GASK1B: variants seen among roughly 807,000 people sequenced by gnomAD.
The protein encoded by GASK1B is Golgi-associated kinase 1B.
GASK1B carries 34 observed loss-of-function variants against 42.8 expected under a neutral mutation model. That is an observed-to-expected ratio of 0.79 (90% CI 0.60 to 1.06). The LOEUF is 1.06. Ranked by LOEUF, GASK1B falls within the 50% of genes least tolerant of loss-of-function variation. The pLI is 0.00. For missense variants in GASK1B, 686 were observed against 661.0 expected (o/e 1.04, Z -0.42); for synonymous variants, 262 against 259.1 (o/e 1.01, Z -0.11).
chr4:158,150,177 G>A (rs905072024), intron 3 of GASK1B, among the ~76,000 whole-genome samples: 12 of 151,778 alleles, frequency 7.9e-5, no homozygotes, highest in African/African-American at 2.4e-4. Context: ...TGCCCGCCTC[G>A]GCCTCCCAAA....
intron 3 of GASK1B, among the ~76,000 whole-genome samples, chr4:158,133,975 A>G (rs776069639): frequency 6.6e-6 from 1 of 152,174 alleles, no homozygotes; most frequent in Non-Finnish European, 1.5e-5. Context: ...TAAGGTCTCA[A>G]ATAATCTAGG....
rs750543267 is a variant in GASK1B at position 158,130,768 on chromosome 4, T to C, written c.1352+18A>G. On this transcript the variant is annotated intron_variant, in intron 4 of 4. Coordinates refer to ENST00000585682, the MANE Select transcript of GASK1B (RefSeq NM_001128424.2). ...TAACATAAATGTGATGTCCTGCAGA[T>C]GTTACTATAAAACTTACTCTTTGAT... The C allele has an allele frequency of 1.3e-6, 2 of 1,568,612 alleles. No individual in the cohort carries two copies. Among genetic ancestry groups the C allele is most frequent in the South Asian group, 1.1e-5 (1 of 89,950 alleles).
intron 3 of GASK1B, among the ~76,000 whole-genome samples, chr4:158,136,020 A>G (rs1349031441): frequency 6.6e-6 from 1 of 152,194 alleles, no homozygotes; most frequent in Non-Finnish European, 1.5e-5. Flanking sequence ...ATACCAGATA[A>G]ACATCTTGTT....
At chr4:158,142,929 C>A (rs766332440) in intron 3 of GASK1B, among the ~76,000 whole-genome samples, 9 of 152,114 alleles carry the variant, frequency 5.9e-5, no homozygotes, top group Non-Finnish European at 1.0e-4. Context: ...GAGATGAAGT[C>A]CATTGATTAG....
Position 158,127,181 on chromosome 4 carries a change from G to A in GASK1B, c.*226C>T, listed in dbSNP as rs1579001770. 2.7e-6 allele frequency: 1 copy of A among 374,532 alleles called. No individual in the cohort carries two copies. Among genetic ancestry groups the A allele is most frequent in the East Asian group, 4.5e-5 (1 of 22,266 alleles). 23.2% of individuals were successfully genotyped at this position (374,532 alleles called of 1,614,324 possible). ...CAGACTGACACATAGCATGATGTTA[G>A]AGAAAAATATAAACAAATATTTCTC... is the stretch of plus-strand genomic sequence containing the variant. On this transcript the variant is annotated 3_prime_UTR_variant, in exon 5 of 5. Transcript: ENST00000585682.
intron 2 of GASK1B, among the ~76,000 whole-genome samples, chr4:158,166,615 G>T (rs1352147717): frequency 6.6e-6 from 1 of 152,052 alleles, no homozygotes; most frequent in Non-Finnish European, 1.5e-5. Flanking sequence ...ATTTGTATGA[G>T]GATTTAATGA....
intron 3 of GASK1B, among the ~76,000 whole-genome samples, chr4:158,135,410 G>A (rs983968217): frequency 6.7e-6 from 1 of 148,712 alleles, no homozygotes; most frequent in Non-Finnish European, 1.5e-5. Flanking sequence ...AATATTAATA[G>A]CAGTTTTATA....
chr4:158,148,720 C>T (rs1189744097), intron 3 of GASK1B, among the ~76,000 whole-genome samples: 1 of 152,110 alleles, frequency 6.6e-6, no homozygotes, highest in African/African-American at 2.4e-5. Context: ...CCCTCCCACC[C>T]CAGGCAGAGG....
At position 158,161,157 on chromosome 4, in the gene GASK1B, T is replaced by C. The variant is rs553982449; in HGVS notation, c.911-5332A>G. Among the ~76,000 whole-genome samples, 34 of 152,184 alleles carry C rather than the reference T, an allele frequency of 2.2e-4. 1 individual carries two copies. Among genetic ancestry groups the C allele is most frequent in the African/African-American group, 7.5e-4 (31 of 41,534 alleles). On this transcript the variant is annotated intron_variant, in intron 2 of 4. Coordinates refer to ENST00000585682, the MANE Select transcript of GASK1B (RefSeq NM_001128424.2). ...ATTTGAAGAAGCCTAAAAAATAAAT[T>C]AGTTAAAATTTAAATTTAAAAAAAT...
chr4:158,132,707 G>T (rs561197235), intron 3 of GASK1B, among the ~76,000 whole-genome samples: 1 of 152,262 alleles, frequency 6.6e-6, no homozygotes, highest in Non-Finnish European at 1.5e-5. Flanking sequence ...CACATGTGTG[G>T]CAAGCGAGCG....
intron 3 of GASK1B, among the ~76,000 whole-genome samples, chr4:158,137,748 A>C (rs182369211): frequency 1.6e-4 from 24 of 152,148 alleles, no homozygotes; most frequent in South Asian, 2.1e-4. Context: ...CAGCATCTGT[A>C]TCACCTGCGA....
rs1199630444 is a variant in GASK1B, at chr4:158,127,210, T to C, written c.*197A>G. The C allele has an allele frequency of 2.3e-6, 1 of 427,732 alleles. No individual in the cohort carries two copies. Among genetic ancestry groups the C allele is most frequent in the East Asian group, 3.6e-5 (1 of 27,678 alleles). The allele number at this position is 427,732 out of a possible 1,614,324, so 26.5% of individuals were successfully genotyped here. Reference sequence around the variant, plus strand: ...AAAATATAAACAAATATTTCTCAAGTAGTTTGTTTTTCAAAACCTTTTTAA... The same window carrying C: ...AAAATATAAACAAATATTTCTCAAGCAGTTTGTTTTTCAAAACCTTTTTAA... On this transcript the variant is annotated 3_prime_UTR_variant, in exon 5 of 5. Coordinates refer to ENST00000585682, the MANE Select transcript of GASK1B (RefSeq NM_001128424.2).
Position 158,161,512 on chromosome 4 carries a change from T to C in GASK1B, c.911-5687A>G, listed in dbSNP as rs180765241. Among the ~76,000 whole-genome samples, 84 of 152,312 alleles carry C rather than the reference T, an allele frequency of 5.5e-4. 1 individual carries two copies. In the East Asian group the frequency reaches 7.9e-3, roughly 14 times the overall value. ...GTGACTTCATTCATCACCAACTACC[T>C]AAACAACTTAAATCGCCAGTTCTCC... is the stretch of plus-strand genomic sequence containing the variant. On this transcript the variant is annotated intron_variant, in intron 2 of 4. Coordinates refer to ENST00000585682, the MANE Select transcript of GASK1B (RefSeq NM_001128424.2).
chr4:158,140,592 C>A (rs1476449277), intron 3 of GASK1B, among the ~76,000 whole-genome samples: 1 of 152,176 alleles, frequency 6.6e-6, no homozygotes, highest in African/African-American at 2.4e-5. Flanking sequence ...ACCAGACTTA[C>A]TCAGAGGCTC....
Position 158,141,597 on chromosome 4 carries a change from C to CATTTTTTTTTT in GASK1B, c.1126-10586_1126-10585insAAAAAAAAAAT, listed in dbSNP as rs1553958620. Among the ~76,000 whole-genome samples, 3 of 113,694 alleles carry CATTTTTTTTTT rather than the reference C, an allele frequency of 2.6e-5. 1 individual carries two copies. Among genetic ancestry groups the CATTTTTTTTTT allele is most frequent in the African/African-American group, 3.5e-5 (1 of 28,906 alleles). The allele number at this position is 113,694 out of a possible 152,430, so 74.6% of individuals were successfully genotyped here. A position where few individuals can be genotyped will look rare whatever the true frequency, so the allele number is the denominator to read the frequency against. On this transcript the variant is annotated intron_variant, in intron 3 of 4. Coordinates refer to ENST00000585682, the MANE Select transcript of GASK1B (RefSeq NM_001128424.2). ...CATAGGTCAGTGCCTTTGTATTTAC[C>CATTTTTTTTTT]TTTTTTTTTTTTTTTTTTTTTTTTT...
chr4:158,142,797 C>T (rs1208038327), intron 3 of GASK1B, among the ~76,000 whole-genome samples: 2 of 152,016 alleles, frequency 1.3e-5, no homozygotes, highest in Non-Finnish European at 2.9e-5. Flanking sequence ...GGAACATAGA[C>T]AAAGGAAGCG....
chr4:158,150,270 C>A (rs957172854), intron 3 of GASK1B, among the ~76,000 whole-genome samples: 7 of 152,132 alleles, frequency 4.6e-5, no homozygotes, highest in African/African-American at 1.7e-4. Flanking sequence ...GAATATCTCC[C>A]TCTGAGATGA....
chr4:158,152,129 G>T (rs752537882), intron 3 of GASK1B, among the ~76,000 whole-genome samples: 12 of 152,084 alleles, frequency 7.9e-5, no homozygotes, highest in Non-Finnish European at 1.8e-4. Flanking sequence ...GTTTGCCAGG[G>T]TCTCTCAGGC....
chr4:158,171,060 C>T lies in GASK1B; in HGVS notation c.316G>A (p.Val106Met). 1 of 1,612,636 alleles carries T rather than the reference C, an allele frequency of 6.2e-7. No homozygotes were observed. The highest frequency in any genetic ancestry group is 8.5e-7 in the Non-Finnish European group (1 of 1,178,828). ...TTGGAGCGTAGGGTAATGTACACCA[C>T]ATTGGGCTGCAGAGTGGACCCATTG... ...QGNGSTLQPN[V>M]VYITLRSKRS... The change falls in exon 2 of 5, where the codon GTG becomes ATG. Residue 106 changes from valine to methionine, a missense_variant. By Grantham distance (21) the Val-to-Met change is conservative. Transcript: ENST00000585682.
Sources: allele counts gnomAD v4.1 joint callset (sites outside exome capture counted in the v4.1 genomes callset), GRCh38; gene constraint gnomAD v4.1.1; transcripts MANE v1.5; gene names NCBI Gene and HGNC (gene_info 2026-07-23, HGNC 2026-07-21).